DIS3L2: variants seen among roughly 807,000 people sequenced by gnomAD.
DIS3L2 encodes DIS3-like exonuclease 2.
A neutral mutation model predicts 97.5 loss-of-function variants in DIS3L2; 34 were observed. The ratio of observed to expected loss-of-function variants is 0.35; its 90% CI spans 0.27 to 0.46. The LOEUF (loss-of-function observed/expected upper bound fraction) is 0.46. Among genes scored for constraint, DIS3L2 ranks in the 20% least tolerant of loss-of-function variants. The probability of loss-of-function intolerance (pLI) is 1.00; values close to 1 mark genes in which losing one functional copy is unlikely to be tolerated. For synonymous variants in DIS3L2, 435 were observed against 445.2 expected (o/e 0.98, Z 0.29); for missense variants, 1,038 against 1,146.0 (o/e 0.91, Z 1.36).
intron 12 of DIS3L2, among the ~76,000 whole-genome samples, chr2:232,256,938 T>C (rs1361404842): frequency 3.9e-5 from 6 of 152,024 alleles, no homozygotes; most frequent in African/African-American, 9.7e-5. Context: ...GCCAACATGG[T>C]GAAACCCTGT....
intron 5 of DIS3L2, among the ~76,000 whole-genome samples, chr2:232,069,784 G>T (rs1439315339): frequency 6.6e-6 from 1 of 152,152 alleles, no homozygotes; most frequent in African/African-American, 2.4e-5. Flanking sequence ...TCCTGATAAT[G>T]GAGCAATATT....
At chr2:231,979,161 A>G (rs1031240635) in intron 1 of DIS3L2, among the ~76,000 whole-genome samples, 1 of 152,006 alleles carries the variant, frequency 6.6e-6, no homozygotes, top group Non-Finnish European at 1.5e-5. Flanking sequence ...GTTTTAAGCT[A>G]TTTTTCCTAT....
chr2:232,336,015 A>G, intron 20 of DIS3L2, 141 bp downstream of exon 20: 1 of 1,521,956 alleles, frequency 6.6e-7, no homozygotes, highest in South Asian at 1.3e-5. Flanking sequence ...GGGCCCTCCC[A>G]GCTCACCCAG....
intron 12 of DIS3L2, among the ~76,000 whole-genome samples, chr2:232,255,837 C>G (rs559558296): frequency 6.6e-6 from 1 of 152,148 alleles, no homozygotes; most frequent in African/African-American, 2.4e-5. Flanking sequence ...TCAAAAACCA[C>G]GGGGTCATTC....
intron 12 of DIS3L2, among the ~76,000 whole-genome samples, chr2:232,257,221 T>G (rs945353800): frequency 2.6e-5 from 4 of 152,222 alleles, no homozygotes; most frequent in East Asian, 1.9e-4. Flanking sequence ...GGCCCTAGTG[T>G]GAGGACTGGG....
intron 9 of DIS3L2, among the ~76,000 whole-genome samples, chr2:232,166,951 G>T (rs1374438503): frequency 1.3e-5 from 2 of 151,898 alleles, no homozygotes; most frequent in Admixed American, 1.3e-4. Context: ...AACCCAGGAG[G>T]CAGAGGTTGC....
At chr2:231,979,646 C>T (rs1422074383) in intron 1 of DIS3L2, among the ~76,000 whole-genome samples, 10 of 151,602 alleles carry the variant, frequency 6.6e-5, no homozygotes, top group African/African-American at 2.2e-4. Flanking sequence ...GGTGTGATCT[C>T]GGCTCACTGC....
intron 11 of DIS3L2, among the ~76,000 whole-genome samples, chr2:232,240,992 C>G (rs1182422895): frequency 1.3e-5 from 2 of 152,202 alleles, no homozygotes; most frequent in Non-Finnish European, 2.9e-5. Context: ...AGTTGGGGCT[C>G]TGCTGCTGAG....
chr2:232,288,081 G>A (rs1304727456), intron 13 of DIS3L2, among the ~76,000 whole-genome samples: 1 of 152,220 alleles, frequency 6.6e-6, no homozygotes, highest in Non-Finnish European at 1.5e-5. Context: ...AAGCCAGGGT[G>A]TAGGAGCAGG....
intron 2 of DIS3L2, 25 bp from the exon 3 acceptor site, chr2:232,015,489 G>C: frequency 6.2e-7 from 1 of 1,607,742 alleles, no homozygotes; most frequent in Non-Finnish European, 8.5e-7. Context: ...TGAGGAAAGA[G>C]TTGATTGCTG....
At chr2:232,110,910 G>A (rs962129799) in intron 6 of DIS3L2, among the ~76,000 whole-genome samples, 11 of 151,906 alleles carry the variant, frequency 7.2e-5, no homozygotes, top group Non-Finnish European at 1.5e-4. Context: ...AAAGAAAATG[G>A]TAAATGTGCT....
intron 5 of DIS3L2, among the ~76,000 whole-genome samples, chr2:232,075,510 C>A (rs937003162): frequency 1.3e-5 from 2 of 152,126 alleles, no homozygotes. Context: ...AGACACTTGG[C>A]CCTGAGTCAC....
intron 3 of DIS3L2, among the ~76,000 whole-genome samples, chr2:232,019,528 G>C (rs1694454364): frequency 6.6e-6 from 1 of 151,308 alleles, no homozygotes. Flanking sequence ...CTCCAGCCTG[G>C]GCAACAGAGT....
intron 10 of DIS3L2, among the ~76,000 whole-genome samples, chr2:232,237,366 G>A (rs1692960711): frequency 1.3e-5 from 2 of 152,150 alleles, no homozygotes; most frequent in Non-Finnish European, 1.5e-5. Flanking sequence ...GGAAGGAGCA[G>A]TTCTAAAAGG....
intron 13 of DIS3L2, among the ~76,000 whole-genome samples, chr2:232,294,806 C>G (rs939087722): frequency 6.6e-6 from 1 of 152,214 alleles, no homozygotes; most frequent in Non-Finnish European, 1.5e-5. Flanking sequence ...AGGTAGGAAC[C>G]GGCTTTGCAG....
intron 7 of DIS3L2, 36 bp downstream of exon 7, chr2:232,130,755 G>A: frequency 6.2e-7 from 1 of 1,610,328 alleles, no homozygotes; most frequent in Non-Finnish European, 8.5e-7. Context: ...GTGTCCAAAT[G>A]GCTTTCACCT....
intron 5 of DIS3L2, among the ~76,000 whole-genome samples, chr2:232,077,711 A>G (rs533635110): frequency 5.0e-4 from 76 of 152,290 alleles, no homozygotes; most frequent in African/African-American, 1.5e-3. Flanking sequence ...TGCAGCATGC[A>G]CTCAGGTAAT....
chr2:232,340,002 AG>A (rs1208069293), downstream of DIS3L2, among the ~76,000 whole-genome samples: 1 of 152,158 alleles, frequency 6.6e-6, no homozygotes, highest in Non-Finnish European at 1.5e-5. Context: ...GAGAAGAGCC[AG>A]GGGTGGCCCT....
At chr2:232,130,504 GAGT>G (rs1440787041) in intron 6 of DIS3L2, 112 bp from the exon 7 acceptor site, 1 of 1,259,550 alleles carries the variant, frequency 7.9e-7, no homozygotes, top group Non-Finnish European at 1.1e-6. Flanking sequence ...TCTGTAAAGT[GAGT>G]AGTTTGGGGT....
Sources: gnomAD v4.1 joint callset for allele counts (sites outside exome capture counted in the v4.1 genomes callset) on GRCh38, gnomAD v4.1.1 for gene constraint, MANE v1.5 for transcripts, NCBI Gene and HGNC (gene_info 2026-07-23, HGNC 2026-07-21) for gene names.